The following HEXB variants were observed in gnomAD, a reference collection of about 807,000 sequenced individuals.
The protein encoded by HEXB is beta-hexosaminidase subunit beta.
In HEXB, 51 loss-of-function variants were observed where a neutral mutation model predicts 71.2. The observed-to-expected ratio is 0.72, with a 90% CI of 0.57 to 0.90. The LOEUF (loss-of-function observed/expected upper bound fraction) is 0.90, where lower values mean the gene tolerates loss of function less well. HEXB is among the 40% of genes least tolerant of loss of function. HEXB has a pLI of 0.00. For missense variants in HEXB, 617 were observed against 677.0 expected, an observed-to-expected ratio of 0.91 and a Z score of 0.98; for synonymous variants, 266 against 249.3, an observed-to-expected ratio of 1.07 and a Z score of -0.63.
At chr5:74,671,563 A>C (rs1748540057) in intron 1 of HEXB, among the ~76,000 whole-genome samples, 1 of 152,152 alleles carries the variant, frequency 6.6e-6, no homozygotes, top group South Asian at 2.1e-4. Context: ...GGGAGATTGC[A>C]AAAGGGCCTG....
intron 1 of HEXB, among the ~76,000 whole-genome samples, chr5:74,643,961 T>A (rs1747954724): frequency 6.6e-6 from 1 of 152,148 alleles, no homozygotes; most frequent in African/African-American, 2.4e-5. Flanking sequence ...CTTCCCCGAG[T>A]TATTTGCTAG....
At chr5:74,704,188 C>T (rs1357071013) in intron 5 of HEXB, among the ~76,000 whole-genome samples, 2 of 152,262 alleles carry the variant, frequency 1.3e-5, no homozygotes, top group East Asian at 3.9e-4. Flanking sequence ...CCAGTTAACA[C>T]CTATATTTCT....
chr5:74,664,909 G>C (rs1041098007), intron 1 of HEXB, among the ~76,000 whole-genome samples: 1 of 152,160 alleles, frequency 6.6e-6, no homozygotes, highest in Non-Finnish European at 1.5e-5. Flanking sequence ...TCACACTCTC[G>C]TTGTGGGAGG....
chr5:74,664,410 A>G (rs1362274669), intron 1 of HEXB, among the ~76,000 whole-genome samples: 1 of 132,494 alleles, frequency 7.5e-6, no homozygotes, highest in East Asian at 2.3e-4. Context: ...AGCTTGGGCA[A>G]TAGAGCAAGA....
intron 1 of HEXB, among the ~76,000 whole-genome samples, chr5:74,678,298 CATAAATAAATAA>C (rs78230461): frequency 0.019 from 2,783 of 145,160 alleles, 83 homozygotes; most frequent in African/African-American, 0.06. Context: ...AACTCCATCT[CATAAATAAATAA>C]ATAAATAAAT....
chr5:74,693,463 T>G, intron 2 of HEXB, 176 bp from the exon 3 acceptor site: 1 of 666,348 alleles, frequency 1.5e-6, no homozygotes, highest in Non-Finnish European at 2.7e-6. Flanking sequence ...GCATGTGGAG[T>G]CGAAGGAACC....
At chr5:74,664,140 G>A (rs1020659166) in intron 1 of HEXB, among the ~76,000 whole-genome samples, 12 of 151,626 alleles carry the variant, frequency 7.9e-5, no homozygotes, top group Non-Finnish European at 1.0e-4. Context: ...CCTGTAATCC[G>A]AGCTACTTGG....
At chr5:74,689,939 A>T in intron 2 of HEXB, 1 of 189,686 alleles carries the variant, frequency 5.3e-6, no homozygotes, top group Non-Finnish European at 1.1e-5. Context: ...TCAATGGCTG[A>T]ATAATGTTCT....
chr5:74,703,525 T>G (rs1749310362), intron 5 of HEXB, among the ~76,000 whole-genome samples: 1 of 152,184 alleles, frequency 6.6e-6, no homozygotes, highest in Non-Finnish European at 1.5e-5. Context: ...TTGTAGACCC[T>G]CTGAGCAGAG....
At chr5:74,645,684 A>G (rs1304888061) in intron 1 of HEXB, among the ~76,000 whole-genome samples, 1 of 152,192 alleles carries the variant, frequency 6.6e-6, no homozygotes, top group Non-Finnish European at 1.5e-5. Context: ...GTATTACTCT[A>G]TAAAGTTAGG....
At chr5:74,687,601 A>C (rs1021523599) in intron 1 of HEXB, among the ~76,000 whole-genome samples, 4 of 152,132 alleles carry the variant, frequency 2.6e-5, no homozygotes, top group African/African-American at 9.7e-5. Context: ...TTCTGTTAGA[A>C]TTTTACTACC....
chr5:74,679,275 A>C (rs1748693099), intron 1 of HEXB, among the ~76,000 whole-genome samples: 1 of 152,238 alleles, frequency 6.6e-6, no homozygotes, highest in Admixed American at 6.5e-5. Flanking sequence ...AAAGGCTTTT[A>C]GTAGAGGTAT....
intron 1 of HEXB, among the ~76,000 whole-genome samples, chr5:74,654,920 G>A (rs529467985): frequency 6.6e-6 from 1 of 152,270 alleles, no homozygotes; most frequent in East Asian, 1.9e-4. Context: ...TGGGACAGCG[G>A]GGGAGTGGAG....
intron 5 of HEXB, among the ~76,000 whole-genome samples, chr5:74,699,275 CT>C (rs1453542173): frequency 1.3e-5 from 2 of 151,656 alleles, no homozygotes; most frequent in South Asian, 2.1e-4. Flanking sequence ...CCCCCACCCC[CT>C]TTTTTTTCTT....
At chr5:74,653,712 T>G (rs1242093833) in intron 1 of HEXB, among the ~76,000 whole-genome samples, 1 of 152,222 alleles carries the variant, frequency 6.6e-6, no homozygotes, top group Non-Finnish European at 1.5e-5. Context: ...ATTGTAAACC[T>G]GGCATGACTG....
At chr5:74,686,343 T>TC (rs966124469) in intron 1 of HEXB, among the ~76,000 whole-genome samples, 25 of 152,124 alleles carry the variant, frequency 1.6e-4, no homozygotes, top group African/African-American at 5.8e-4. Flanking sequence ...CCACACACTG[T>TC]CCCCTCAGTG....
chr5:74,684,642 G>C (rs1353591782), upstream of HEXB, among the ~76,000 whole-genome samples: 1 of 151,782 alleles, frequency 6.6e-6, no homozygotes, highest in Non-Finnish European at 1.5e-5. Context: ...GGCGTCCCGA[G>C]CCTGTGCACT....
chr5:74,662,505 A>G (rs1038251318), intron 1 of HEXB, among the ~76,000 whole-genome samples: 1 of 68,066 alleles, frequency 1.5e-5, no homozygotes, highest in African/African-American at 5.1e-5. Flanking sequence ...TTTATGTATA[A>G]CTCTTTTTCT....
chr5:74,680,586 A>G (rs1410695031), upstream of HEXB, among the ~76,000 whole-genome samples: 1 of 152,222 alleles, frequency 6.6e-6, no homozygotes, highest in African/African-American at 2.4e-5. Flanking sequence ...TGTGTTTTGC[A>G]TGGAAGAAAT....
Sources: allele counts gnomAD v4.1 joint callset (sites outside exome capture counted in the v4.1 genomes callset), GRCh38; gene constraint gnomAD v4.1.1; transcripts MANE v1.5; gene names NCBI Gene and HGNC (gene_info 2026-07-23, HGNC 2026-07-21).